EGF: variants seen among roughly 807,000 people sequenced by gnomAD.
The protein encoded by EGF is epidermal growth factor.
A neutral mutation model predicts 143.8 loss-of-function variants in EGF; 95 were observed. The observed-to-expected ratio is 0.66, with a 90% CI of 0.56 to 0.78. The LOEUF (loss-of-function observed/expected upper bound fraction) is 0.78, where lower values mean the gene tolerates loss of function less well. Ranked by LOEUF, EGF falls within the 30% of genes least tolerant of loss-of-function variation. The pLI is 0.00. For synonymous variants in EGF, 510 were observed against 510.5 expected, an observed-to-expected ratio of 1.00 and a Z score of 0.01; for missense variants, 1,320 against 1,470.9, an observed-to-expected ratio of 0.90 and a Z score of 1.68.
chr4:109,956,671 T>C (rs538028933), intron 5 of EGF, among the ~76,000 whole-genome samples: 2 of 152,344 alleles, frequency 1.3e-5, no homozygotes, highest in African/African-American at 4.8e-5. Flanking sequence ...TATACATGTA[T>C]AATTGGCATA....
At position 109,933,096 on chromosome 4, in the gene EGF, C is replaced by T. The variant is rs571376563; in HGVS notation, c.128-7850C>T. On this transcript the variant is annotated intron_variant, in intron 1 of 23. Coordinates refer to ENST00000265171, the MANE Select transcript of EGF (RefSeq NM_001963.6). ...TAAAATACTTTCACATCTATAATTT[C>T]ATTTTTTTCCCATAATAATCCTCTG... 3.9e-5 allele frequency among the ~76,000 whole-genome samples: 6 copies of T among 152,354 alleles called. No individual in the cohort carries two copies. The East Asian group carries it at 1.2e-3, about 29-fold the overall frequency.
Position 109,913,290 on chromosome 4 carries a change from G to A in EGF, c.-46G>A, listed in dbSNP as rs377515544. ...CTCACCTTGCCCGGGCCATGCTCCA[G>A]CAAAATCAAGCTGTTTTCTTTTGAA... On this transcript the variant is annotated 5_prime_UTR_variant, in exon 1 of 24. Transcript: ENST00000265171. 2 of 1,610,198 alleles carry A rather than the reference G, an allele frequency of 1.2e-6. No individual in the cohort carries two copies. Among genetic ancestry groups the A allele is most frequent in the Non-Finnish European group, 1.7e-6 (2 of 1,177,778 alleles).
chr4:109,970,206 A>G (rs1207419545), intron 11 of EGF, among the ~76,000 whole-genome samples: 1 of 152,160 alleles, frequency 6.6e-6, no homozygotes, highest in Admixed American at 6.5e-5. Context: ...CAGGAAGGAA[A>G]TGGCTGTATC....
chr4:109,926,284 T>C (rs1439151176), intron 1 of EGF, among the ~76,000 whole-genome samples: 3 of 151,598 alleles, frequency 2.0e-5, no homozygotes, highest in African/African-American at 7.3e-5. Flanking sequence ...GCCCAGGAGT[T>C]CAAGGCTGCA....
intron 20 of EGF, among the ~76,000 whole-genome samples, chr4:109,999,169 GA>G (rs1449714357): frequency 6.6e-6 from 1 of 151,780 alleles, no homozygotes; most frequent in African/African-American, 2.4e-5. Context: ...TTTTTTAAAG[GA>G]AAAAAGTTTT....
At chr4:109,997,071 A>G (rs1194987039) in intron 20 of EGF, among the ~76,000 whole-genome samples, 1 of 151,846 alleles carries the variant, frequency 6.6e-6, no homozygotes, top group Non-Finnish European at 1.5e-5. Flanking sequence ...CGGGGAGCAG[A>G]GTTTTTAAGG....
At chr4:109,986,187 C>A (rs1258076205) in intron 16 of EGF, among the ~76,000 whole-genome samples, 2 of 152,202 alleles carry the variant, frequency 1.3e-5, no homozygotes, top group African/African-American at 4.8e-5. Context: ...AACTGCATAA[C>A]TATTGCTTTT....
At chr4:109,914,224 G>C (rs1162408933) in intron 1 of EGF, among the ~76,000 whole-genome samples, 1 of 152,110 alleles carries the variant, frequency 6.6e-6, no homozygotes, top group Non-Finnish European at 1.5e-5. Context: ...TTTAATCCTT[G>C]GGTGAGCCTC....
intron 21 of EGF, among the ~76,000 whole-genome samples, chr4:110,003,128 C>A (rs1156445358): frequency 6.6e-6 from 1 of 152,166 alleles, no homozygotes; most frequent in African/African-American, 2.4e-5. Context: ...TGATCATTGA[C>A]ATCCATGTGT....
chr4:110,011,148 G>T (rs1008452396), intron 23 of EGF, 54 bp from the exon 24 acceptor site: 1 of 1,600,678 alleles, frequency 6.2e-7, no homozygotes, highest in Non-Finnish European at 8.5e-7. Context: ...GGTCTGTCTT[G>T]CCTATCTATT....
At chr4:109,919,639 C>T (rs937480514) in intron 1 of EGF, among the ~76,000 whole-genome samples, 4 of 147,508 alleles carry the variant, frequency 2.7e-5, no homozygotes, top group African/African-American at 1.1e-4. Flanking sequence ...TGAAATGGTA[C>T]ATGAGTGACA....
chr4:109,996,619 G>T (rs921146828), intron 20 of EGF, among the ~76,000 whole-genome samples: 3 of 152,146 alleles, frequency 2.0e-5, no homozygotes, highest in African/African-American at 7.2e-5. Flanking sequence ...TCCTAGGCAG[G>T]TGTCATTCTG....
rs538062029 is a variant in EGF, at chr4:110,005,036, CTTTTTT to C, written c.3291+433_3291+438del. Among the ~76,000 whole-genome samples the C allele has an allele frequency of 1.1e-4, 9 of 80,740 alleles. No individual in the cohort carries two copies. The South Asian group carries it at 2.4e-3, about 21-fold the overall frequency. 53.0% of individuals were successfully genotyped at this position (80,740 alleles called of 152,430 possible). On this transcript the variant is annotated intron_variant, in intron 22 of 23. Transcript: ENST00000265171. ...TTCTTTTCTTTTTCTTTTTCTCTGT[CTTTTTT>C]TTTTTTTTTTTTTTTTTTGGACAGG...
rs776394261 is a variant in EGF at position 109,960,992 on chromosome 4, A to G, written c.1189+3A>G. ...TCCTGATGGGAAACGATGTCATCGT[A>G]AGTTATAGCAACAAGTATTTATTGC... On this transcript the variant is annotated splice_donor_region_variant and intron_variant, in intron 7 of 23. Transcript: ENST00000265171. 6.2e-7 allele frequency: 1 copy of G among 1,613,826 alleles called. No individual in the cohort carries two copies. Among genetic ancestry groups the G allele is most frequent in the South Asian group, 1.1e-5 (1 of 91,078 alleles).
chr4:109,944,207 G>C (rs1742425549), intron 4 of EGF, 138 bp downstream of exon 4: 1 of 936,912 alleles, frequency 1.1e-6, no homozygotes, highest in Non-Finnish European at 1.6e-6. Flanking sequence ...AGTTTGGCCG[G>C]GCGCGGCGGA....
chr4:109,996,202 A>G (rs1751772403), intron 20 of EGF, among the ~76,000 whole-genome samples: 1 of 152,242 alleles, frequency 6.6e-6, no homozygotes. Flanking sequence ...ACAGGGTTAC[A>G]TACTGCATTT....
At chr4:109,950,461 C>G (rs899897016) in intron 5 of EGF, among the ~76,000 whole-genome samples, 1 of 152,124 alleles carries the variant, frequency 6.6e-6, no homozygotes, top group African/African-American at 2.4e-5. Context: ...ATCCCTGTCT[C>G]CATTTTCTCT....
At chr4:109,927,723 CAA>C (rs1168036243) in intron 1 of EGF, among the ~76,000 whole-genome samples, 1 of 51,600 alleles carries the variant, frequency 1.9e-5, no homozygotes, top group Non-Finnish European at 3.6e-5. Flanking sequence ...GACACCGTCT[CAA>C]AAAAAAAAAA....
intron 16 of EGF, among the ~76,000 whole-genome samples, chr4:109,985,365 A>G (rs1382780577): frequency 1.3e-5 from 2 of 152,228 alleles, no homozygotes; most frequent in Non-Finnish European, 2.9e-5. Flanking sequence ...CTAAAAGACA[A>G]TGTGAAAACT....
Sources: allele counts gnomAD v4.1 joint callset (sites outside exome capture counted in the v4.1 genomes callset), GRCh38; gene constraint gnomAD v4.1.1; transcripts MANE v1.5; gene names NCBI Gene and HGNC (gene_info 2026-07-23, HGNC 2026-07-21).